TULP4: variants seen among roughly 807,000 people sequenced by gnomAD.
TULP4 encodes TUB like protein 4, also known as tubby-related protein 4.
TULP4 carries 16 observed loss-of-function variants against 129.0 expected under a neutral mutation model. That is an observed-to-expected ratio of 0.12 (90% CI 0.08 to 0.19). The LOEUF is 0.19. Ranked by LOEUF, TULP4 falls within the 10% of genes least tolerant of loss-of-function variation. The probability of loss-of-function intolerance (pLI) is 1.00; values close to 1 mark genes in which losing one functional copy is unlikely to be tolerated. For synonymous variants in TULP4, 998 were observed against 854.0 expected (o/e 1.17, Z -2.94); for missense variants, 1,842 against 2,059.1 (o/e 0.89, Z 2.04).
intron 12 of TULP4, among the ~76,000 whole-genome samples, chr6:158,500,483 G>A (rs892559451): frequency 6.6e-6 from 1 of 152,182 alleles, no homozygotes; most frequent in Non-Finnish European, 1.5e-5. Context: ...TCCTAATCAT[G>A]GACTAGCTGC....
chr6:158,415,409 G>A (rs542705528), intron 2 of TULP4, among the ~76,000 whole-genome samples: 85 of 150,824 alleles, frequency 5.6e-4, no homozygotes, highest in African/African-American at 2.0e-3. Flanking sequence ...GAGTGCAGGG[G>A]CACGATCTCA....
intron 6 of TULP4, among the ~76,000 whole-genome samples, chr6:158,477,305 G>T (rs1041255534): frequency 6.6e-6 from 1 of 152,104 alleles, no homozygotes; most frequent in African/African-American, 2.4e-5. Flanking sequence ...GGAGGACAGA[G>T]GATAAATACA....
chr6:158,310,928 C>T (rs1583730626), upstream of TULP4, among the ~76,000 whole-genome samples: 2 of 151,910 alleles, frequency 1.3e-5, no homozygotes, highest in East Asian at 1.9e-4. Context: ...TTTTTACTGC[C>T]GTATCAAAGA....
At chr6:158,425,290 G>A (rs1042372827) in intron 2 of TULP4, among the ~76,000 whole-genome samples, 3 of 151,450 alleles carry the variant, frequency 2.0e-5, no homozygotes, top group South Asian at 4.2e-4. Flanking sequence ...GAGGAGGGCC[G>A]ATCACCTGAG....
At chr6:158,352,862 A>G (rs1486213724) in intron 1 of TULP4, among the ~76,000 whole-genome samples, 1 of 152,204 alleles carries the variant, frequency 6.6e-6, no homozygotes, top group Admixed American at 6.5e-5. Context: ...GCTTTGTTTT[A>G]TAGTTAAATA....
intron 6 of TULP4, among the ~76,000 whole-genome samples, chr6:158,476,901 A>C (rs769745224): frequency 1.5e-4 from 23 of 152,292 alleles, no homozygotes; most frequent in African/African-American, 5.5e-4. Flanking sequence ...CCAGCAGTGG[A>C]GCTGGGGAGG....
At position 158,363,506 on chromosome 6, in the gene TULP4, C is replaced by T. The variant is rs182105582; in HGVS notation, c.252+49238C>T. ...TGTTTTTGTTTGTTTTCTTTTGAGG[C>T]GGAGTCTCACTGTGTCGCCCAGGCT... On this transcript the variant is annotated intron_variant, in intron 1 of 13. Coordinates refer to ENST00000367097, the MANE Select transcript of TULP4 (RefSeq NM_020245.5). Among the ~76,000 whole-genome samples the T allele has an allele frequency of 2.4e-3, 361 of 152,192 alleles. 2 individuals are homozygous for T. Among genetic ancestry groups the T allele is most frequent in the African/African-American group, 8.2e-3 (342 of 41,526 alleles).
chr6:158,272,079 G>C (rs1332671457), intron 1 of TULP4, among the ~76,000 whole-genome samples: 2 of 152,174 alleles, frequency 1.3e-5, no homozygotes, highest in Non-Finnish European at 2.9e-5. Context: ...CACAGTTGCT[G>C]AGCATACACT....
chr6:158,329,960 T>C (rs1779838125), intron 1 of TULP4, among the ~76,000 whole-genome samples: 2 of 152,204 alleles, frequency 1.3e-5, no homozygotes, highest in Non-Finnish European at 2.9e-5. Flanking sequence ...ATATTTTAAA[T>C]CAGCATTGTG....
chr6:158,484,027 T>G (rs1321568946), intron 8 of TULP4, among the ~76,000 whole-genome samples: 1 of 150,272 alleles, frequency 6.7e-6, no homozygotes, highest in Non-Finnish European at 1.5e-5. Flanking sequence ...CAAGCAACCC[T>G]CCCACTTCAG....
intron 3 of TULP4, among the ~76,000 whole-genome samples, chr6:158,445,618 G>A (rs1013248909): frequency 2.6e-5 from 4 of 152,156 alleles, no homozygotes; most frequent in African/African-American, 9.7e-5. Flanking sequence ...TTAATTCTGT[G>A]TGGTGGGGCC....
intron 1 of TULP4, among the ~76,000 whole-genome samples, chr6:158,382,072 G>A (rs1434361925): frequency 6.6e-6 from 1 of 152,184 alleles, no homozygotes; most frequent in African/African-American, 2.4e-5. Flanking sequence ...AGGAGTATGG[G>A]GAGGAGGTAG....
intron 6 of TULP4, among the ~76,000 whole-genome samples, chr6:158,467,989 C>T (rs954979192): frequency 6.6e-6 from 1 of 152,214 alleles, no homozygotes; most frequent in Non-Finnish European, 1.5e-5. Context: ...AGAGTCTGTC[C>T]CTTGCAGACC....
chr6:158,272,830 G>A (rs1372361657), intron 1 of TULP4, among the ~76,000 whole-genome samples: 1 of 152,236 alleles, frequency 6.6e-6, no homozygotes, highest in Non-Finnish European at 1.5e-5. Context: ...TATAGTAGAT[G>A]TGTAGTTCTC....
intron 5 of TULP4, among the ~76,000 whole-genome samples, chr6:158,460,980 T>C (rs1779409148): frequency 6.6e-6 from 1 of 152,072 alleles, no homozygotes; most frequent in African/African-American, 2.4e-5. Flanking sequence ...ATATTTAACA[T>C]GCTAACTTTA....
chr6:158,443,961 T>C (rs894334197), intron 3 of TULP4, among the ~76,000 whole-genome samples: 20 of 152,110 alleles, frequency 1.3e-4, no homozygotes, highest in African/African-American at 4.3e-4. Context: ...GGCTCACGCC[T>C]GTAATCCCAG....
chr6:158,463,664 ATAT>A lies in TULP4; in HGVS notation c.1026+1936_1026+1938del, dbSNP rs761107869. Among the ~76,000 whole-genome samples, 440 of 146,338 alleles carry A rather than the reference ATAT, an allele frequency of 3.0e-3. 2 individuals are homozygous for A. Among genetic ancestry groups the A allele is most frequent in the Admixed American group, 0.013 (196 of 14,646 alleles). The stretch of plus-strand genomic sequence containing the variant: ...GTATAATAAAAATATATATATATAT[ATAT>A]AAAAAGAAAAAATAAATGGAATAGA... On this transcript the variant is annotated intron_variant, in intron 6 of 13. Coordinates refer to ENST00000367097, the MANE Select transcript of TULP4 (RefSeq NM_020245.5).
At chr6:158,246,014 C>T (rs1041063604) in intron 1 of TULP4, among the ~76,000 whole-genome samples, 2 of 134,180 alleles carry the variant, frequency 1.5e-5, no homozygotes, top group African/African-American at 5.5e-5. Context: ...AATTTGCCTA[C>T]CCCTTAGGGG....
intron 1 of TULP4, among the ~76,000 whole-genome samples, chr6:158,271,244 A>G (rs1368076722): frequency 2.6e-5 from 4 of 151,560 alleles, no homozygotes; most frequent in Non-Finnish European, 5.9e-5. Flanking sequence ...TTTCATTTTC[A>G]ATTGTTGCTT....
Sources: allele counts gnomAD v4.1 joint callset (sites outside exome capture counted in the v4.1 genomes callset), GRCh38; gene constraint gnomAD v4.1.1; transcripts MANE v1.5; gene names NCBI Gene and HGNC (gene_info 2026-07-23, HGNC 2026-07-21).